The following ADAMTS19 variants were observed in gnomAD, a reference collection of about 807,000 sequenced individuals.
The protein encoded by ADAMTS19 is ADAM metallopeptidase with thrombospondin type 1 motif 19.
In ADAMTS19, 93 loss-of-function variants were observed where a neutral mutation model predicts 153.3. The ratio of observed to expected loss-of-function variants is 0.61; its 90% CI spans 0.51 to 0.72. The LOEUF (loss-of-function observed/expected upper bound fraction) is 0.72, where lower values mean the gene tolerates loss of function less well. Among genes scored for constraint, ADAMTS19 ranks in the 30% least tolerant of loss-of-function variants. ADAMTS19 has a pLI of 0.00. For synonymous variants in ADAMTS19, 600 were observed against 556.6 expected, an observed-to-expected ratio of 1.08 and a Z score of -1.10; for missense variants, 1,482 against 1,552.1, an observed-to-expected ratio of 0.95 and a Z score of 0.76.
chr5:129,527,679 A>G, intron 4 of ADAMTS19, 69 bp from the exon 5 acceptor site: 1 of 563,810 alleles, frequency 1.8e-6, no homozygotes, highest in Non-Finnish European at 3.1e-6. Context: ...ATCTCCATGT[A>G]TGGGCCTTGA....
chr5:129,471,511 C>T (rs956398921), intron 2 of ADAMTS19, among the ~76,000 whole-genome samples: 6 of 149,974 alleles, frequency 4.0e-5, no homozygotes, highest in Admixed American at 1.3e-4. Flanking sequence ...AAGACTCTGT[C>T]TCTAAATAAA....
intron 2 of ADAMTS19, among the ~76,000 whole-genome samples, chr5:129,493,375 A>G (rs1750831085): frequency 1.7e-5 from 2 of 116,936 alleles, no homozygotes; most frequent in South Asian, 5.0e-4. Context: ...TGAATTATAT[A>G]TATCATTTAC....
intron 7 of ADAMTS19, among the ~76,000 whole-genome samples, chr5:129,566,015 G>T (rs1753693130): frequency 6.6e-6 from 1 of 151,940 alleles, no homozygotes; most frequent in Admixed American, 6.6e-5. Flanking sequence ...ATGTCTAGTA[G>T]GTTAGTTCTA....
At chr5:129,570,872 T>A (rs1753876649) in intron 7 of ADAMTS19, among the ~76,000 whole-genome samples, 1 of 151,850 alleles carries the variant, frequency 6.6e-6, no homozygotes, top group Non-Finnish European at 1.5e-5. Flanking sequence ...CACCATCTAT[T>A]CATGGTTTAA....
At chr5:129,503,375 ACTCC>A (rs1751164518) in intron 2 of ADAMTS19, among the ~76,000 whole-genome samples, 2 of 152,138 alleles carry the variant, frequency 1.3e-5, no homozygotes, top group Non-Finnish European at 2.9e-5. Context: ...ATGACAAATC[ACTCC>A]CATTTACAGT....
rs568913802 is a variant in ADAMTS19, at chr5:129,576,417, C to T, written c.1373-20142C>T. 1.5e-3 allele frequency among the ~76,000 whole-genome samples: 224 copies of T among 152,046 alleles called. 2 individuals are homozygous for T. The highest frequency in any genetic ancestry group is 5.2e-3 in the African/African-American group (215 of 41,490). Reference sequence around the variant, plus strand: ...CTGTACTTAATTTTGTCTCCATACACGGAGCAGGGCAAAAAATTATACTAA... The same window carrying T: ...CTGTACTTAATTTTGTCTCCATACATGGAGCAGGGCAAAAAATTATACTAA... On this transcript the variant is annotated intron_variant, in intron 7 of 22. Coordinates refer to ENST00000274487, the MANE Select transcript of ADAMTS19 (RefSeq NM_133638.6).
intron 9 of ADAMTS19, among the ~76,000 whole-genome samples, chr5:129,621,284 C>T (rs1170504779): frequency 6.6e-6 from 1 of 152,094 alleles, no homozygotes; most frequent in Non-Finnish European, 1.5e-5. Context: ...CTGTTATTCT[C>T]ATTTTCATTT....
At chr5:129,737,019 CAT>C (rs1267792427) in intron 22 of ADAMTS19, 46 bp from the exon 23 acceptor site, 1 of 1,485,422 alleles carries the variant, frequency 6.7e-7, no homozygotes, top group African/African-American at 1.4e-5. Flanking sequence ...TTTTTACTGA[CAT>C]ATATGATATC....
intron 7 of ADAMTS19, among the ~76,000 whole-genome samples, chr5:129,591,983 T>A (rs1289256380): frequency 2.0e-5 from 3 of 152,174 alleles, no homozygotes; most frequent in Non-Finnish European, 4.4e-5. Context: ...TGTTTTGTTT[T>A]CTGATGAGAG....
intron 10 of ADAMTS19, among the ~76,000 whole-genome samples, chr5:129,629,522 A>C (rs896469983): frequency 3.3e-5 from 5 of 152,180 alleles, no homozygotes; most frequent in Admixed American, 2.0e-4. Flanking sequence ...ATACTTATAA[A>C]CAGATATTTA....
intron 2 of ADAMTS19, among the ~76,000 whole-genome samples, chr5:129,481,226 T>C (rs1750397467): frequency 6.6e-6 from 1 of 152,148 alleles, no homozygotes; most frequent in Non-Finnish European, 1.5e-5. Context: ...AGGCACCTTC[T>C]TCACAAGGTG....
At chr5:129,506,430 C>CT (rs1400060808) in intron 2 of ADAMTS19, among the ~76,000 whole-genome samples, 4 of 147,078 alleles carry the variant, frequency 2.7e-5, no homozygotes, top group African/African-American at 1.1e-4. Context: ...TTAAAAGTAG[C>CT]TTTCTTGTTT....
At chr5:129,538,790 A>C (rs1752552548) in intron 6 of ADAMTS19, among the ~76,000 whole-genome samples, 1 of 152,138 alleles carries the variant, frequency 6.6e-6, no homozygotes, top group Admixed American at 6.6e-5. Context: ...TTTTCTTGGA[A>C]ATGTAGCCTA....
chr5:129,495,186 G>C (rs1009361030), intron 2 of ADAMTS19, among the ~76,000 whole-genome samples: 25 of 152,118 alleles, frequency 1.6e-4, no homozygotes, highest in African/African-American at 5.8e-4. Context: ...GATGATTAAA[G>C]ACAATAAATT....
chr5:129,614,318 A>G (rs538324437), intron 8 of ADAMTS19, among the ~76,000 whole-genome samples: 2 of 152,324 alleles, frequency 1.3e-5, no homozygotes, highest in African/African-American at 4.8e-5. Context: ...GCAGCAGCAC[A>G]TCAAAAAGCT....
chr5:129,609,104 A>G (rs1232353990), intron 8 of ADAMTS19, among the ~76,000 whole-genome samples: 3 of 152,170 alleles, frequency 2.0e-5, no homozygotes, highest in Non-Finnish European at 4.4e-5. Flanking sequence ...ACTCTTTAGA[A>G]TTTTCTACAG....
intron 21 of ADAMTS19, among the ~76,000 whole-genome samples, chr5:129,732,696 C>A (rs1174685993): frequency 6.6e-6 from 1 of 152,022 alleles, no homozygotes; most frequent in African/African-American, 2.4e-5. Flanking sequence ...ATCCCATGCT[C>A]ATATATTATA....
intron 10 of ADAMTS19, among the ~76,000 whole-genome samples, chr5:129,640,251 G>A (rs1387424908): frequency 6.6e-6 from 1 of 151,946 alleles, no homozygotes; most frequent in Non-Finnish European, 1.5e-5. Context: ...TTCACTGTTA[G>A]ATATTTTGAA....
At chr5:129,526,549 C>A in intron 4 of ADAMTS19, 93 bp downstream of exon 4, 2 of 1,233,862 alleles carry the variant, frequency 1.6e-6, no homozygotes, top group African/African-American at 1.6e-5. Flanking sequence ...TTAAAATTAA[C>A]TCATTACTAT....
Sources: gnomAD v4.1 joint callset for allele counts (sites outside exome capture counted in the v4.1 genomes callset) on GRCh38, gnomAD v4.1.1 for gene constraint, MANE v1.5 for transcripts, NCBI Gene and HGNC (gene_info 2026-07-23, HGNC 2026-07-21) for gene names.